SLC8A1: variants seen among roughly 807,000 people sequenced by gnomAD.
The protein encoded by SLC8A1 is sodium/calcium exchanger 1.
SLC8A1 carries 18 observed loss-of-function variants against 68.3 expected under a neutral mutation model. That is an observed-to-expected ratio of 0.26 (90% CI 0.18 to 0.39). SLC8A1 has a LOEUF of 0.39. SLC8A1 is among the 10% of genes least tolerant of loss of function. The pLI is 1.00. For missense variants in SLC8A1, 985 were observed against 1,156.7 expected (o/e 0.85, Z 2.15); for synonymous variants, 475 against 415.5 (o/e 1.14, Z -1.74).
At chr2:40,429,687 A>C (rs766709171) in exon 2 of SLC8A1, 3 of 1,613,894 alleles carry the variant, frequency 1.9e-6, no homozygotes, top group Admixed American at 1.7e-5. Context: ...GCAAATGCTT[A>C]ATCTTCCTTG....
At chr2:40,493,193 T>C (rs1212949366) in intron 1 of SLC8A1, among the ~76,000 whole-genome samples, 1 of 152,002 alleles carries the variant, frequency 6.6e-6, no homozygotes, top group Non-Finnish European at 1.5e-5. Flanking sequence ...CTGTCCTTCG[T>C]AGGGACATGG....
chr2:40,194,060 G>A (rs557370701), intron 2 of SLC8A1, among the ~76,000 whole-genome samples: 12 of 152,096 alleles, frequency 7.9e-5, no homozygotes, highest in Non-Finnish European at 1.5e-4. Flanking sequence ...CACGATGGAG[G>A]TAGTAAAATA....
chr2:40,129,960 T>G (rs1290531630), intron 7 of SLC8A1, among the ~76,000 whole-genome samples: 1 of 152,210 alleles, frequency 6.6e-6, no homozygotes, highest in Non-Finnish European at 1.5e-5. Context: ...GCAGGACACA[T>G]GCTGAGCATC....
chr2:40,463,839 T>TACACACACACACAC (rs761954909), intron 1 of SLC8A1, among the ~76,000 whole-genome samples: 3 of 123,320 alleles, frequency 2.4e-5, no homozygotes, highest in African/African-American at 6.2e-5. Flanking sequence ...CACACACACA[T>TACACACACACACAC]ACACACACAC....
intron 2 of SLC8A1, among the ~76,000 whole-genome samples, chr2:40,318,890 C>A (rs2074836414): frequency 6.6e-6 from 1 of 151,940 alleles, no homozygotes; most frequent in Non-Finnish European, 1.5e-5. Flanking sequence ...CTTTTCAATA[C>A]AATGTTTGAG....
intron 1 of SLC8A1, among the ~76,000 whole-genome samples, chr2:40,465,030 G>A (rs1027872125): frequency 1.3e-4 from 20 of 152,164 alleles, no homozygotes; most frequent in Non-Finnish European, 1.5e-5. Context: ...AGGAAAAAGG[G>A]CGGGTGAGAG....
intron 2 of SLC8A1, 125 bp downstream of exon 2, chr2:40,428,348 A>G (rs1697406857): frequency 7.2e-7 from 1 of 1,389,954 alleles, no homozygotes; most frequent in Admixed American, 3.4e-5. Flanking sequence ...GATCTTGTAT[A>G]AAAGCTATTC....
At chr2:40,312,813 A>G (rs1206632281) in intron 2 of SLC8A1, among the ~76,000 whole-genome samples, 2 of 152,264 alleles carry the variant, frequency 1.3e-5, no homozygotes, top group East Asian at 1.9e-4. Context: ...TAAATTGTAT[A>G]TTCTTTTCAC....
exon 2 of SLC8A1, chr2:40,429,410 T>G: frequency 6.2e-6 from 10 of 1,613,892 alleles, no homozygotes; most frequent in Non-Finnish European, 8.5e-6. Flanking sequence ...TTCCCGTCCA[T>G]TTCAATTTCA....
chr2:40,366,764 C>T (rs578245520), intron 2 of SLC8A1, among the ~76,000 whole-genome samples: 1 of 126,820 alleles, frequency 7.9e-6, no homozygotes, highest in African/African-American at 2.5e-5. Context: ...TCTGAGTATT[C>T]TTATGCTTTT....
intron 2 of SLC8A1, among the ~76,000 whole-genome samples, chr2:40,222,975 C>G (rs890604902): frequency 1.3e-5 from 2 of 152,148 alleles, no homozygotes; most frequent in Admixed American, 6.6e-5. Context: ...CCTCAAGGAT[C>G]TAGAACTAGA....
chr2:40,321,948 G>A (rs2075253221), intron 2 of SLC8A1, among the ~76,000 whole-genome samples: 1 of 152,084 alleles, frequency 6.6e-6, no homozygotes, highest in Non-Finnish European at 1.5e-5. Context: ...ATTCAACTAA[G>A]AAATTCTGCT....
intron 2 of SLC8A1, among the ~76,000 whole-genome samples, chr2:40,346,071 AAAGAAAG>A (rs1669203724): frequency 6.7e-6 from 1 of 149,440 alleles, no homozygotes; most frequent in African/African-American, 2.5e-5. Flanking sequence ...AAAAAAAAAA[AAAGAAAG>A]AAAGAAAAAG....
intron 6 of SLC8A1, among the ~76,000 whole-genome samples, chr2:40,154,396 C>A (rs9653516): frequency 1.6e-4 from 23 of 145,190 alleles, no homozygotes; most frequent in African/African-American, 4.8e-4. Flanking sequence ...CTCTGCCTCC[C>A]GGGTTCATGG....
In SLC8A1 at chr2:40,427,499, C is replaced by T. The variant is rs142376893; in HGVS notation, c.1808+974G>A. ...GAAGATATTATAGTCAGCCTCCCTCCCTCTCTCCCTCCCTCCTTTCCCCCC... is the reference window on the plus strand; with the variant it reads ...GAAGATATTATAGTCAGCCTCCCTCTCTCTCTCCCTCCCTCCTTTCCCCCC... On this transcript the variant is annotated intron_variant, in intron 2 of 7. Transcript: ENST00000406785. Among the ~76,000 whole-genome samples, 215 of 152,084 alleles carry T rather than the reference C, an allele frequency of 1.4e-3. 1 individual carries two copies. The highest frequency in any genetic ancestry group is 5.0e-3 in the African/African-American group (206 of 41,512).
chr2:40,235,247 T>C (rs2060206242), intron 2 of SLC8A1, among the ~76,000 whole-genome samples: 1 of 152,216 alleles, frequency 6.6e-6, no homozygotes, highest in South Asian at 2.1e-4. Context: ...TTTTGGTTGG[T>C]AAGCTATTAA....
At chr2:40,357,929 T>G (rs1673243545) in intron 2 of SLC8A1, among the ~76,000 whole-genome samples, 1 of 151,974 alleles carries the variant, frequency 6.6e-6, no homozygotes, top group Admixed American at 6.6e-5. Flanking sequence ...TTGAGTTGCA[T>G]GGTTCCTCTG....
chr2:40,410,964 C>T (rs989897775), intron 2 of SLC8A1, among the ~76,000 whole-genome samples: 1 of 151,976 alleles, frequency 6.6e-6, no homozygotes, highest in African/African-American at 2.4e-5. Flanking sequence ...CAAGAATGTG[C>T]CCTTTCTATA....
At chr2:40,427,631 C>T (rs1003463367) in intron 2 of SLC8A1, among the ~76,000 whole-genome samples, 3 of 152,024 alleles carry the variant, frequency 2.0e-5, no homozygotes, top group African/African-American at 2.4e-5. Flanking sequence ...AACTCTCAGT[C>T]GAAGAATCAC....
Sources: allele counts gnomAD v4.1 joint callset (sites outside exome capture counted in the v4.1 genomes callset), GRCh38; gene constraint gnomAD v4.1.1; transcripts MANE v1.5; gene names NCBI Gene and HGNC (gene_info 2026-07-23, HGNC 2026-07-21).